INTS2: variants seen among roughly 807,000 people sequenced by gnomAD.
INTS2 encodes integrator complex subunit 2, also known as KIAA1287.
Under a neutral mutation model 139.6 loss-of-function variants are expected in INTS2, and 57 were observed. That is an observed-to-expected ratio of 0.41 (90% confidence interval 0.33 to 0.51). The LOEUF is 0.51. Among genes scored for constraint, INTS2 ranks in the 20% least tolerant of loss-of-function variants. INTS2 has a pLI of 0.28. For synonymous variants in INTS2, 473 were observed against 493.4 expected (o/e 0.96, Z 0.55); for missense variants, 1,196 against 1,436.7 (o/e 0.83, Z 2.71).
At chr17:61,879,303 A>C (rs1237637660) in intron 17 of INTS2, among the ~76,000 whole-genome samples, 1 of 152,030 alleles carries the variant, frequency 6.6e-6, no homozygotes, top group Non-Finnish European at 1.5e-5. Flanking sequence ...AAAGGCTCAA[A>C]CTTGAAACTT....
rs1301715504 is a variant in INTS2, at chr17:61,901,672, T to C, written c.1307+2788A>G. Among the ~76,000 whole-genome samples the C allele has an allele frequency of 3.0e-5, 4 of 134,352 alleles. No individual in the cohort carries two copies. The East Asian group carries it at 9.7e-4, about 33-fold the overall frequency. The allele number at this position is 134,352 out of a possible 152,430, so 88.1% of individuals were successfully genotyped here. On this transcript the variant is annotated intron_variant, in intron 9 of 24. Coordinates refer to ENST00000251334, the MANE Select transcript of INTS2 (RefSeq NM_001351695.2). ...TGGAGTGCAGTGGCGCAATCTCGGC[T>C]CACTGCAAGCTCTGCCTCCCAGGTT...
At position 61,904,511 on chromosome 17, in the gene INTS2, C is replaced by G. The variant is rs1039906595; in HGVS notation, c.1256G>C (p.Arg419Pro). The G allele has an allele frequency of 5.6e-6, 9 of 1,611,492 alleles. No individual in the cohort carries two copies. The highest frequency in any genetic ancestry group is 6.8e-6 in the Non-Finnish European group (8 of 1,178,412). Residue 419 changes from arginine (R) to proline (P), a missense_variant, in exon 9 of 25, where the codon CGC becomes CCC. By Grantham distance (103) the Arg-to-Pro change is moderately radical. Transcript: ENST00000251334. ...CATACAAAAGGAAAGTGAAACAAAG[C>G]GAACCCCAGCTGGCGTAGCAGGAGG... ...SRPPATPAGV[R>P]FVSLSFCMLL... is the part of the protein sequence containing the mutation.
At chr17:61,879,071 CTTTT>C (rs943506280) in intron 17 of INTS2, among the ~76,000 whole-genome samples, 5 of 34,430 alleles carry the variant, frequency 1.5e-4, no homozygotes, top group Admixed American at 4.1e-4. Flanking sequence ...CCAGGCTGGT[CTTTT>C]TTTTTTTTTT....
At chr17:61,895,172 A>G (rs1603377575) in intron 12 of INTS2, 143 bp downstream of exon 12, 3 of 581,166 alleles carry the variant, frequency 5.2e-6, no homozygotes, top group South Asian at 2.4e-5. Context: ...ATTCTTTAAG[A>G]AAGTTTCAAA....
In INTS2 at chr17:61,912,003, T is replaced by C; in HGVS notation, c.717A>G (p.Thr239=). 6.2e-7 allele frequency: 1 copy of C among 1,613,854 alleles called. No homozygotes were observed. The highest frequency in any genetic ancestry group is 8.5e-7 in the Non-Finnish European group (1 of 1,179,796). Reference sequence around the variant, plus strand: ...TTTTACACAAGAAGCGTAAGGCATCTGTCCTGCGCCTTCCTCCAAGACTTT... The same window carrying C: ...TTTTACACAAGAAGCGTAAGGCATCCGTCCTGCGCCTTCCTCCAAGACTTT... ...DEESLGGRRR[T]DALRFLCKMN... is the part of the protein sequence containing the mutation. The change falls in exon 6 of 25, where the codon ACA becomes ACG. Residue 239 remains threonine (T), a synonymous_variant. Transcript: ENST00000251334.
chr17:61,872,417 A>G lies in INTS2; in HGVS notation c.2626T>C (p.Tyr876His), dbSNP rs538311191. Residue 876 changes from tyrosine (Y) to histidine (H), a missense_variant, in exon 20 of 25, where the codon TAT becomes CAT. Coordinates refer to ENST00000251334, the MANE Select transcript of INTS2 (RefSeq NM_001351695.2). This position sits in a 1 kb window ranked among gnomAD's most constrained non-coding sequence, Gnocchi z 4.8. ...MDITLHMLNG[Y>H]LLASKAYLSA... ...AGGTAGGCTTTAGATGCAAGAAGAT[A>G]TCCATTCAACATGTGTAGGGTAATA... The G allele has an allele frequency of 6.2e-7, 1 of 1,611,124 alleles. No homozygotes were observed. The highest frequency in any genetic ancestry group is 2.2e-5 in the East Asian group (1 of 44,856).
intron 5 of INTS2, among the ~76,000 whole-genome samples, chr17:61,917,040 C>T (rs968397063): frequency 2.0e-5 from 3 of 152,112 alleles, no homozygotes; most frequent in African/African-American, 7.2e-5. Context: ...AAAAAAAATG[C>T]TCCATATCAC....
At position 61,889,872 on chromosome 17, in the gene INTS2, T is replaced by C; in HGVS notation, c.1898A>G (p.Gln633Arg). Residue 633 changes from glutamine (Q) to arginine (R), a missense_variant, in exon 15 of 25, where the codon CAG (glutamine) becomes CGG (arginine). By Grantham distance (43) the Gln-to-Arg change is conservative. Coordinates refer to ENST00000251334, the MANE Select transcript of INTS2 (RefSeq NM_001351695.2). ...VIGGDNIRLN[Q>R]RFSITAQLLV... The stretch of plus-strand genomic sequence containing the variant: ...AAGCTGTGCTGTGATACTGAAACGC[T>C]GATTAAGGCGGATGTTGTCACCCTG... 6.2e-6 allele frequency: 10 copies of C among 1,610,190 alleles called. No homozygotes were observed. The highest frequency in any genetic ancestry group is 8.5e-6 in the Non-Finnish European group (10 of 1,177,206).
At chr17:61,922,453 A>G (rs1374512912) in intron 3 of INTS2, among the ~76,000 whole-genome samples, 10 of 139,972 alleles carry the variant, frequency 7.1e-5, no homozygotes, top group Non-Finnish European at 1.6e-4. Flanking sequence ...GGGAGACAGA[A>G]TGAGACTCCG....
intron 2 of INTS2, among the ~76,000 whole-genome samples, chr17:61,925,943 T>C (rs563211576): frequency 9.2e-5 from 14 of 152,032 alleles, no homozygotes; most frequent in Non-Finnish European, 1.5e-4. Context: ...GGAGGATCGC[T>C]TGAACCTGGG....
intron 5 of INTS2, among the ~76,000 whole-genome samples, chr17:61,914,322 T>TG (rs2079555557): frequency 6.6e-6 from 1 of 152,020 alleles, no homozygotes; most frequent in Non-Finnish European, 1.5e-5. Context: ...TTTGGGAGAT[T>TG]GAGGCAAGCG....
chr17:61,900,621 T>A (rs1238435711), intron 9 of INTS2, among the ~76,000 whole-genome samples: 2 of 152,214 alleles, frequency 1.3e-5, no homozygotes, highest in Non-Finnish European at 2.9e-5. Context: ...GACCCACTTA[T>A]GCATTAGAGG....
In INTS2 at chr17:61,914,702, C is replaced by CAAAAAAAAAAAA. The variant is rs58141533; in HGVS notation, c.650-2644_650-2633dup. Among the ~76,000 whole-genome samples the CAAAAAAAAAAAA allele has an allele frequency of 2.2e-3, 107 of 49,350 alleles. 2 individuals are homozygous for CAAAAAAAAAAAA. The highest frequency in any genetic ancestry group is 7.1e-3 in the African/African-American group (105 of 14,798). 32.4% of individuals were successfully genotyped at this position (49,350 alleles called of 152,430 possible). On this transcript the variant is annotated intron_variant, in intron 5 of 24. Coordinates refer to ENST00000251334, the MANE Select transcript of INTS2 (RefSeq NM_001351695.2). ...TGGGCGACAGAGTGAGACTCCGTCTCAAAAAAAAAAAAAAAAAAAAAATTA... is the reference window on the plus strand; with the variant it reads ...TGGGCGACAGAGTGAGACTCCGTCTCAAAAAAAAAAAAAAAAAAAAAAAAAAAAAAAAAATTA...
At chr17:61,926,747 G>T (rs2079719709) in intron 1 of INTS2, 85 bp from the exon 2 acceptor site, 2 of 1,092,874 alleles carry the variant, frequency 1.8e-6, no homozygotes, top group East Asian at 2.6e-5. Context: ...GAAAAATGTG[G>T]TGTATCTTTA....
rs1188522684 is a variant in INTS2 at position 61,876,922 on chromosome 17, A to T, written c.2456+965T>A. ...ATATATGTTGAGTAAGGGGGAGGGC[A>T]CTTGCATAAGAATGAAATTGTAATT... On this transcript the variant is annotated intron_variant, in intron 18 of 24. Transcript: ENST00000251334. The surrounding 1 kb of genome is among the most constrained non-coding windows in gnomAD (Gnocchi z 4.1). Among the ~76,000 whole-genome samples the T allele has an allele frequency of 2.0e-5, 3 of 152,244 alleles. No homozygotes were observed. The highest frequency in any genetic ancestry group is 7.2e-5 in the African/African-American group (3 of 41,466).
rs201350080 is a variant in INTS2, at chr17:61,916,329, G to A, written c.649+3071C>T. Among the ~76,000 whole-genome samples, 15 of 152,274 alleles carry A rather than the reference G, an allele frequency of 9.9e-5. No homozygotes were observed. The East Asian group carries it at 2.9e-3, about 29-fold the overall frequency. ...GGTGCCTGTAGTCCCAGCTACTCAG[G>A]AGGCTGAGGCAGGAGAATGGCGTGA... On this transcript the variant is annotated intron_variant, in intron 5 of 24. Coordinates refer to ENST00000251334, the MANE Select transcript of INTS2 (RefSeq NM_001351695.2).
At chr17:61,886,398 C>A (rs2079229379) in intron 15 of INTS2, among the ~76,000 whole-genome samples, 1 of 152,178 alleles carries the variant, frequency 6.6e-6, no homozygotes, top group Non-Finnish European at 1.5e-5. Context: ...ACAACTCCTA[C>A]CCTCAACCAG....
chr17:61,919,559 T>G, intron 4 of INTS2, 46 bp from the exon 5 acceptor site: 33 of 922,638 alleles, frequency 3.6e-5, no homozygotes, highest in East Asian at 5.2e-5. Flanking sequence ...ACAGGTGCAC[T>G]CCACCACACC....
intron 15 of INTS2, among the ~76,000 whole-genome samples, chr17:61,887,441 C>CCACT (rs781108138): frequency 6.7e-6 from 1 of 150,348 alleles, no homozygotes; most frequent in East Asian, 2.0e-4. Context: ...TGAGATCGTG[C>CCACT]CACTGCACTC....
Sources: allele counts gnomAD v4.1 joint callset (sites outside exome capture counted in the v4.1 genomes callset), GRCh38; gene constraint gnomAD v4.1.1; non-coding constraint Gnocchi (gnomAD v3.1); transcripts MANE v1.5; gene names NCBI Gene and HGNC (gene_info 2026-07-23, HGNC 2026-07-21).